The following CCDC88C variants were observed in gnomAD, a reference collection of about 807,000 sequenced individuals.
The protein encoded by CCDC88C is protein Daple.
In CCDC88C, 131 loss-of-function variants were observed where a neutral mutation model predicts 198.8. The ratio of observed to expected loss-of-function variants is 0.66; its 90% CI spans 0.57 to 0.76. The LOEUF is 0.76. Ranked by LOEUF, CCDC88C falls within the 30% of genes least tolerant of loss-of-function variation. CCDC88C has a pLI of 0.00. For synonymous variants in CCDC88C, 1,166 were observed against 1,114.7 expected, an observed-to-expected ratio of 1.05 and a Z score of -0.92; for missense variants, 2,553 against 2,631.6, an observed-to-expected ratio of 0.97 and a Z score of 0.65.
chr14:91,409,586 C>A (rs1371127567), intron 2 of CCDC88C, among the ~76,000 whole-genome samples: 1 of 151,346 alleles, frequency 6.6e-6, no homozygotes, highest in Non-Finnish European at 1.5e-5. Context: ...CTCCTGGGTT[C>A]CAGCGATTCT....
Position 91,313,002 on chromosome 14 carries a change from T to C in CCDC88C, c.2736+78A>G. On this transcript the variant is annotated intron_variant, in intron 15 of 29. Transcript: ENST00000389857. This position sits in a 1 kb window ranked among gnomAD's most constrained non-coding sequence, Gnocchi z 5.2. Reference sequence around the variant, plus strand: ...TAAGGAGGACACAGAGTCTTATTTCTCTCCTGAAACCATGCACCACAGAAC... The same window carrying C: ...TAAGGAGGACACAGAGTCTTATTTCCCTCCTGAAACCATGCACCACAGAAC... 1 of 1,103,714 alleles carries C rather than the reference T, an allele frequency of 9.1e-7. No individual in the cohort carries two copies. The highest frequency in any genetic ancestry group is 2.6e-5 in the Admixed American group (1 of 39,082). The allele number at this position is 1,103,714 out of a possible 1,614,324, so 68.4% of individuals were successfully genotyped here. A position where few individuals can be genotyped will look rare whatever the true frequency, so the allele number is the denominator to read the frequency against.
At chr14:91,408,801 C>T in intron 2 of CCDC88C, 34 bp from the exon 3 acceptor site, 1 of 1,387,936 alleles carries the variant, frequency 7.2e-7, no homozygotes, top group Non-Finnish European at 1.0e-6. Context: ...GAAATTGCAT[C>T]TCCCAGCAGC....
chr14:91,334,714 C>T lies in CCDC88C; in HGVS notation c.1050+3291G>A, dbSNP rs1355425574. 2.0e-5 allele frequency among the ~76,000 whole-genome samples: 3 copies of T among 152,044 alleles called. No individual in the cohort carries two copies. The East Asian group carries it at 5.8e-4, about 29-fold the overall frequency. On this transcript the variant is annotated intron_variant, in intron 10 of 29. Coordinates refer to ENST00000389857, the MANE Select transcript of CCDC88C (RefSeq NM_001080414.4). Reference sequence around the variant, plus strand: ...TATTTATTAAAAGCAAACACGGGCCCATCGAAGTCACCTGTGCATCAAGGT... The same window carrying T: ...TATTTATTAAAAGCAAACACGGGCCTATCGAAGTCACCTGTGCATCAAGGT...
rs1449273665 is a variant in CCDC88C, at chr14:91,338,695, G to C, written c.810-125C>G. 1.4e-6 allele frequency: 1 copy of C among 703,012 alleles called. No homozygotes were observed. The highest frequency in any genetic ancestry group is 2.5e-6 in the Non-Finnish European group (1 of 400,282). 43.5% of individuals were successfully genotyped at this position (703,012 alleles called of 1,614,324 possible). ...GGACTCGGGATTTGGGCGGTGGGGA[G>C]GCGATCTGCTTATGGGGCCTGCAAA... On this transcript the variant is annotated intron_variant, in intron 8 of 29. Coordinates refer to ENST00000389857, the MANE Select transcript of CCDC88C (RefSeq NM_001080414.4). The surrounding 1 kb of genome is among the most constrained non-coding windows in gnomAD (Gnocchi z 4.8).
At chr14:91,306,910 G>A (rs1347217885) in intron 18 of CCDC88C, 128 bp downstream of exon 18, 13 of 1,010,800 alleles carry the variant, frequency 1.3e-5, no homozygotes, top group African/African-American at 3.3e-5. Context: ...AACTCAAGAC[G>A]TGTCCAACTA....
At chr14:91,366,461 C>T (rs1053090112) in intron 3 of CCDC88C, among the ~76,000 whole-genome samples, 5 of 151,646 alleles carry the variant, frequency 3.3e-5, no homozygotes, top group Non-Finnish European at 5.9e-5. Context: ...CCTCCAGCCT[C>T]GGCAACAGAG....
At chr14:91,281,433 G>A in intron 27 of CCDC88C, 24 bp downstream of exon 27, 1 of 1,613,554 alleles carries the variant, frequency 6.2e-7, no homozygotes. Flanking sequence ...CCAGGCTGGA[G>A]GACACAGCAC....
In CCDC88C at chr14:91,364,286, T is replaced by C. The variant is rs375055385; in HGVS notation, c.271-4575A>G. 3.0e-4 allele frequency among the ~76,000 whole-genome samples: 45 copies of C among 152,252 alleles called. No individual in the cohort carries two copies. In the South Asian group the frequency reaches 9.1e-3, roughly 31 times the overall value. ...GTGTGGCATTGCAATCCAGGGTAGA[T>C]TGCACTCCTCCCCACTTCTCCTTTA... On this transcript the variant is annotated intron_variant, in intron 3 of 29. Coordinates refer to ENST00000389857, the MANE Select transcript of CCDC88C (RefSeq NM_001080414.4).
At chr14:91,411,780 T>G (rs900583795) in intron 2 of CCDC88C, among the ~76,000 whole-genome samples, 1 of 152,032 alleles carries the variant, frequency 6.6e-6, no homozygotes, top group Non-Finnish European at 1.5e-5. Flanking sequence ...CTGGCCAACA[T>G]GGTGAAACCC....
intron 10 of CCDC88C, among the ~76,000 whole-genome samples, chr14:91,334,523 T>C (rs954524955): frequency 2.0e-5 from 3 of 152,158 alleles, no homozygotes; most frequent in Non-Finnish European, 2.9e-5. Flanking sequence ...GTTGAGATTA[T>C]AGGCATGGGC....
Position 91,291,049 on chromosome 14 carries a change from T to C in CCDC88C, c.4148A>G (p.Lys1383Arg). The C allele has an allele frequency of 6.3e-7, 1 of 1,586,720 alleles. No homozygotes were observed. The highest frequency in any genetic ancestry group is 8.6e-7 in the Non-Finnish European group (1 of 1,162,650). Residue 1383 changes from lysine (K) to arginine (R), a missense_variant, in exon 24 of 30, where the codon AAG becomes AGG. Transcript: ENST00000389857. The stretch of plus-strand genomic sequence containing the variant: ...TTGATCCATGATTTTTTCTTCCAGC[T>C]TTTCCTTATGTCTTCGTAAGGCATT... ...KLNALRRHKE[K>R]LEEKIMDQYK... is the part of the protein sequence containing the mutation.
chr14:91,277,131 G>A (rs542951795), intron 29 of CCDC88C, among the ~76,000 whole-genome samples: 2 of 152,144 alleles, frequency 1.3e-5, no homozygotes, highest in South Asian at 2.1e-4. Flanking sequence ...CACAAGGCCC[G>A]GCTAATTTTT....
Position 91,273,081 on chromosome 14 carries a change from G to A in CCDC88C, c.5631C>T (p.Arg1877=). The change falls in exon 30 of 30, where the codon CGC becomes CGT. Residue 1877 remains arginine (R), a synonymous_variant. Coordinates refer to ENST00000389857, the MANE Select transcript of CCDC88C (RefSeq NM_001080414.4). The surrounding 1 kb of genome is among the most constrained non-coding windows in gnomAD (Gnocchi z 5.6). ...AGCGCCTCGTGTCCAGCGGCCGGCT[G>A]CGGGGACCTGGGCCCTGACAGGAGC... ...AGSSCQGPGP[R]SRPLDTRRFS... 1 of 1,560,992 alleles carries A rather than the reference G, an allele frequency of 6.4e-7. No individual in the cohort carries two copies. Among genetic ancestry groups the A allele is most frequent in the East Asian group, 2.4e-5 (1 of 42,062 alleles).
chr14:91,308,036 T>TG (rs1891635800), intron 17 of CCDC88C, among the ~76,000 whole-genome samples: 1 of 152,254 alleles, frequency 6.6e-6, no homozygotes, highest in African/African-American at 2.4e-5. Context: ...CGTGAGACTC[T>TG]GCAGGCCGTT....
intron 25 of CCDC88C, chr14:91,285,273 C>T (rs1173201695): frequency 3.8e-6 from 1 of 264,382 alleles, no homozygotes. Context: ...AAAACCCTCA[C>T]TTGACAGAGG....
At chr14:91,326,911 C>A (rs1181342044) in intron 10 of CCDC88C, among the ~76,000 whole-genome samples, 1 of 152,232 alleles carries the variant, frequency 6.6e-6, no homozygotes, top group Non-Finnish European at 1.5e-5. Context: ...GCAAACCACA[C>A]AAATGTGAGC....
Position 91,313,661 on chromosome 14 carries a change from T to G in CCDC88C, c.2155A>C (p.Thr719Pro), listed in dbSNP as rs764496951. The change falls in exon 15 of 30, where the codon ACC becomes CCC. Residue 719 changes from threonine to proline, a missense_variant. Physicochemically the swap from Thr to Pro is conservative, Grantham distance 38. Around this residue, in one of 2 missense-constraint regions of CCDC88C, gnomAD observed 1,260 missense variants for 1,412.0 expected, o/e 0.89. Coordinates refer to ENST00000389857, the MANE Select transcript of CCDC88C (RefSeq NM_001080414.4). The surrounding 1 kb of genome is among the most constrained non-coding windows in gnomAD (Gnocchi z 5.2). ...LRRLVETMRF[T>P]STKLAQMERE... ...TCCATCTGTGCCAGCTTGGTGCTGG[T>G]GAAGCGCATGGTCTCCACCAGCCTG... is the stretch of plus-strand genomic sequence containing the variant. The G allele has an allele frequency of 6.2e-7, 1 of 1,612,358 alleles. No homozygotes were observed. Among genetic ancestry groups the G allele is most frequent in the South Asian group, 1.1e-5 (1 of 91,084 alleles).
rs865962517 is a variant in CCDC88C at position 91,342,456 on chromosome 14, C to T, written c.407G>A (p.Arg136Lys). Reference sequence around the variant, plus strand: ...GATTCTTTCAATGAACTCCTCTTTCCTCTCACACTGCGGAGGGTTACATGT... The same window carrying T: ...GATTCTTTCAATGAACTCCTCTTTCTTCTCACACTGCGGAGGGTTACATGT... ...LVLGCAVQCERKEEFIERIKQ... is the reference protein window; with the variant it reads ...LVLGCAVQCEKKEEFIERIKQ... Residue 136 changes from arginine (R) to lysine (K), a missense_variant, in exon 6 of 30, where the codon AGG becomes AAG. By Grantham distance (26) the Arg-to-Lys change is conservative (BLOSUM62 2). Around this residue, in one of 2 missense-constraint regions of CCDC88C, gnomAD observed 1,260 missense variants for 1,412.0 expected, o/e 0.89. Coordinates refer to ENST00000389857, the MANE Select transcript of CCDC88C (RefSeq NM_001080414.4). 1.3e-6 allele frequency: 2 copies of T among 1,587,426 alleles called. No individual in the cohort carries two copies. Among genetic ancestry groups the T allele is most frequent in the African/African-American group, 2.7e-5 (2 of 74,420 alleles).
In CCDC88C at chr14:91,300,208, A is replaced by C. The variant is rs137902853; in HGVS notation, c.3636-138T>G. On this transcript the variant is annotated intron_variant, in intron 20 of 29. Coordinates refer to ENST00000389857, the MANE Select transcript of CCDC88C (RefSeq NM_001080414.4). ...GAGTCTCTCTGCAGAAGTGAGGGGC[A>C]TGGGGCAGGGAACAGGCGGGGAGCG... The C allele has an allele frequency of 3.1e-4, 406 of 1,302,860 alleles. 1 individual carries two copies. The African/African-American group carries it at 5.3e-3, about 17-fold the overall frequency. 80.7% of individuals were successfully genotyped at this position (1,302,860 alleles called of 1,614,324 possible). A position where few individuals can be genotyped will look rare whatever the true frequency, so the allele number is the denominator to read the frequency against.
Sources: allele counts gnomAD v4.1 joint callset (sites outside exome capture counted in the v4.1 genomes callset), GRCh38; gene constraint gnomAD v4.1.1; regional missense constraint gnomAD v4.1.1; non-coding constraint Gnocchi (gnomAD v3.1); transcripts MANE v1.5; gene names NCBI Gene and HGNC (gene_info 2026-07-23, HGNC 2026-07-21).